The following HDAC4 variants were observed in gnomAD, a reference collection of about 807,000 sequenced individuals.
The protein encoded by HDAC4 is histone deacetylase A.
In HDAC4, 16 loss-of-function variants were observed where a neutral mutation model predicts 135.1. That is an observed-to-expected ratio of 0.12 (90% confidence interval 0.08 to 0.18). The LOEUF is 0.18. Among genes scored for constraint, HDAC4 ranks in the 10% least tolerant of loss-of-function variants. The probability of loss-of-function intolerance (pLI) is 1.00; values close to 1 mark genes in which losing one functional copy is unlikely to be tolerated. For synonymous variants in HDAC4, 685 were observed against 653.4 expected (o/e 1.05, Z -0.74); for missense variants, 1,143 against 1,511.8 (o/e 0.76, Z 4.05).
rs999102996 is a variant in HDAC4, at chr2:239,236,584, C to T, written c.94+9G>A. The T allele has an allele frequency of 8.4e-6, 13 of 1,550,422 alleles. No individual in the cohort carries two copies. Among genetic ancestry groups the T allele is most frequent in the East Asian group, 4.9e-5 (2 of 40,916 alleles). ...GCCGGCCGGACAGGGCAGGGGTGGG[C>T]GGACTTACCCGTGCTGGGCATGTGG... On this transcript the variant is annotated intron_variant, in intron 3 of 26. Transcript: ENST00000543185.
At chr2:239,284,866 AC>A (rs959531712) in intron 2 of HDAC4, among the ~76,000 whole-genome samples, 4 of 152,306 alleles carry the variant, frequency 2.6e-5, no homozygotes, top group Middle Eastern at 3.4e-3. Context: ...GGATCGGGAA[AC>A]TTTTGTTTCA....
chr2:239,200,749 G>C (rs972248612), intron 3 of HDAC4, among the ~76,000 whole-genome samples: 2 of 152,136 alleles, frequency 1.3e-5, no homozygotes, highest in African/African-American at 4.8e-5. Flanking sequence ...TCTGTGTGGG[G>C]CTGGGCGGGA....
At chr2:239,286,701 CA>C (rs1441672798) in intron 2 of HDAC4, among the ~76,000 whole-genome samples, 2 of 151,980 alleles carry the variant, frequency 1.3e-5, no homozygotes, top group Non-Finnish European at 2.9e-5. Flanking sequence ...GCATCAAGGA[CA>C]AAAGAAGATG....
intron 2 of HDAC4, among the ~76,000 whole-genome samples, chr2:239,295,074 G>T (rs944246333): frequency 6.6e-6 from 1 of 152,006 alleles, no homozygotes; most frequent in Non-Finnish European, 1.5e-5. Flanking sequence ...TTGGGAGGCC[G>T]AGGCGGGCGG....
intron 2 of HDAC4, among the ~76,000 whole-genome samples, chr2:239,254,242 G>A (rs2048935939): frequency 1.3e-5 from 2 of 152,154 alleles, no homozygotes; most frequent in East Asian, 3.8e-4. Flanking sequence ...AGAAGGATGA[G>A]AGGAAGGGAG....
chr2:239,122,628 G>A (rs2039790997), intron 12 of HDAC4, among the ~76,000 whole-genome samples: 2 of 152,368 alleles, frequency 1.3e-5, no homozygotes, highest in South Asian at 4.1e-4. Flanking sequence ...CCAGCTCGGG[G>A]TCGATCCTGT....
At chr2:239,373,203 C>T (rs569049235) in intron 1 of HDAC4, among the ~76,000 whole-genome samples, 1 of 152,194 alleles carries the variant, frequency 6.6e-6, no homozygotes, top group African/African-American at 2.4e-5. Context: ...GCGCGTACCT[C>T]CTCCAGCCAT....
chr2:239,097,221 T>G (rs2037192495), intron 16 of HDAC4, among the ~76,000 whole-genome samples: 1 of 152,238 alleles, frequency 6.6e-6, no homozygotes, highest in Non-Finnish European at 1.5e-5. Context: ...CCCTCCTCCC[T>G]GCCTGGGCTG....
intron 18 of HDAC4, among the ~76,000 whole-genome samples, chr2:239,088,118 G>A (rs1018532010): frequency 2.5e-4 from 38 of 152,170 alleles, no homozygotes; most frequent in African/African-American, 8.2e-4. Flanking sequence ...TCAGGATGGC[G>A]GGCAAGTGGG....
At chr2:239,227,402 G>A (rs754910335) in intron 3 of HDAC4, among the ~76,000 whole-genome samples, 18 of 152,166 alleles carry the variant, frequency 1.2e-4, no homozygotes, top group Admixed American at 2.0e-4. Flanking sequence ...AGGTCACAGG[G>A]GCTAAGCAGC....
chr2:239,294,001 T>TG (rs2051693642), intron 2 of HDAC4, among the ~76,000 whole-genome samples: 1 of 152,194 alleles, frequency 6.6e-6, no homozygotes, highest in Admixed American at 6.5e-5. Context: ...CATTTGTTAA[T>TG]TTAACAGAGA....
intron 19 of HDAC4, among the ~76,000 whole-genome samples, chr2:239,086,980 C>A (rs954387589): frequency 2.6e-5 from 4 of 152,184 alleles, no homozygotes; most frequent in Non-Finnish European, 5.9e-5. Flanking sequence ...CAGACAGCTG[C>A]GGGTCTGTCC....
chr2:239,274,017 C>T (rs941704262), intron 2 of HDAC4, among the ~76,000 whole-genome samples: 1 of 152,222 alleles, frequency 6.6e-6, no homozygotes, highest in Non-Finnish European at 1.5e-5. Context: ...ACCTGCATGA[C>T]GGTAGAACTG....
At chr2:239,338,275 C>T (rs1309773713) in intron 2 of HDAC4, among the ~76,000 whole-genome samples, 1 of 152,198 alleles carries the variant, frequency 6.6e-6, no homozygotes, top group East Asian at 1.9e-4. Context: ...GAGGCCCATG[C>T]AGCTTCCTAT....
chr2:239,188,334 C>T (rs759287975), intron 4 of HDAC4, among the ~76,000 whole-genome samples: 2 of 152,216 alleles, frequency 1.3e-5, no homozygotes, highest in African/African-American at 2.4e-5. Context: ...AATAAAGACA[C>T]TGAACAAAGT....
At chr2:239,067,007 G>A (rs1402921950) in intron 23 of HDAC4, 152 bp from the exon 24 acceptor site, 2 of 880,962 alleles carry the variant, frequency 2.3e-6, no homozygotes, top group Non-Finnish European at 3.6e-6. Flanking sequence ...ATTCGCTGAA[G>A]AGTTTCGGCT....
intron 2 of HDAC4, among the ~76,000 whole-genome samples, chr2:239,320,553 G>A (rs2053275106): frequency 6.6e-6 from 1 of 152,160 alleles, no homozygotes; most frequent in African/African-American, 2.4e-5. Context: ...GTAAAAATAT[G>A]TATTTTAATC....
chr2:239,312,650 C>T (rs181648211), intron 2 of HDAC4, among the ~76,000 whole-genome samples: 4 of 152,308 alleles, frequency 2.6e-5, no homozygotes, highest in East Asian at 1.9e-4. Flanking sequence ...TTTATAAAAA[C>T]GGAAAACTGC....
At chr2:239,377,026 C>T (rs1350801898) in intron 1 of HDAC4, among the ~76,000 whole-genome samples, 13 of 152,302 alleles carry the variant, frequency 8.5e-5, no homozygotes, top group South Asian at 2.1e-4. Flanking sequence ...CTGCCAGACA[C>T]GGTCACTTGG....
Sources: allele counts gnomAD v4.1 joint callset (sites outside exome capture counted in the v4.1 genomes callset), GRCh38; gene constraint gnomAD v4.1.1; transcripts MANE v1.5; gene names NCBI Gene and HGNC (gene_info 2026-07-23, HGNC 2026-07-21).